AP5M1: variants seen among roughly 807,000 people sequenced by gnomAD.
The protein encoded by AP5M1 is AP-5 complex subunit mu-1.
AP5M1 carries 44 observed loss-of-function variants against 52.3 expected under a neutral mutation model. The observed-to-expected ratio is 0.84, with a 90% CI of 0.66 to 1.08. The LOEUF is 1.08. Ranked by LOEUF, AP5M1 falls within the 50% of genes least tolerant of loss-of-function variation. The pLI is 0.00. For missense variants in AP5M1, 526 were observed against 568.4 expected (o/e 0.93, Z 0.76); for synonymous variants, 213 against 199.0 (o/e 1.07, Z -0.59).
chr14:57,275,206 A>C, intron 2 of AP5M1: 1 of 359,020 alleles, frequency 2.8e-6, no homozygotes, highest in Non-Finnish European at 5.2e-6. Context: ...TTTTCAGTTG[A>C]GGCTATAGTC....
intron 7 of AP5M1, among the ~76,000 whole-genome samples, chr14:57,287,242 G>T (rs1338857136): frequency 1.3e-5 from 2 of 151,980 alleles, no homozygotes; most frequent in African/African-American, 4.8e-5. Flanking sequence ...TATTATTATA[G>T]TTAGATAAAT....
chr14:57,277,193 T>C (rs1885059983), intron 2 of AP5M1, among the ~76,000 whole-genome samples: 2 of 152,208 alleles, frequency 1.3e-5, no homozygotes, highest in African/African-American at 4.8e-5. Context: ...GCCAGATTGG[T>C]TTAAAGGTAG....
intron 3 of AP5M1, 46 bp from the exon 4 acceptor site, chr14:57,282,043 G>T (rs1482407394): frequency 6.8e-7 from 1 of 1,479,062 alleles, no homozygotes. Flanking sequence ...TGTTGTTTTA[G>T]ACTCATTAAC....
intron 1 of AP5M1, among the ~76,000 whole-genome samples, chr14:57,273,209 G>A (rs1391706752): frequency 1.3e-5 from 2 of 152,086 alleles, no homozygotes; most frequent in Non-Finnish European, 2.9e-5. Context: ...TGAAGTGCTG[G>A]ATTAGCCATT....
At position 57,292,850 on chromosome 14, in the gene AP5M1, T is replaced by C. The variant is rs764971449; in HGVS notation, c.*3966T>C. 1.3e-5 allele frequency: 2 copies of C among 151,804 alleles called. No homozygotes were observed. The highest frequency in any genetic ancestry group is 2.9e-5 in the Non-Finnish European group (2 of 67,804). The allele number at this position is 151,804 out of a possible 1,614,324, so 9.4% of individuals were successfully genotyped here. On this transcript the variant is annotated 3_prime_UTR_variant, in exon 8 of 8. Transcript: ENST00000261558. ...AGGAAAATGTGTTGCAGTACACAGT[T>C]ATCCACCTTAAGACTAATGATTTCG...
rs1885439780 is a variant in AP5M1, at chr14:57,291,745, A to G, written c.*2861A>G. On this transcript the variant is annotated 3_prime_UTR_variant, in exon 8 of 8. Transcript: ENST00000261558. Reference sequence around the variant, plus strand: ...ACATTGTATGATTTAAGATCTTTCAAGGCAGACATTTATACTTGGTAACAA... The same window carrying G: ...ACATTGTATGATTTAAGATCTTTCAGGGCAGACATTTATACTTGGTAACAA... The G allele has an allele frequency of 6.6e-6, 1 of 151,888 alleles. No individual in the cohort carries two copies. The highest frequency in any genetic ancestry group is 2.1e-4 in the South Asian group (1 of 4,832). 9.4% of individuals were successfully genotyped at this position (151,888 alleles called of 1,614,324 possible). A position where few individuals can be genotyped will look rare whatever the true frequency, so the allele number is the denominator to read the frequency against.
At chr14:57,284,711 CT>C (rs1363303945) in intron 6 of AP5M1, among the ~76,000 whole-genome samples, 1 of 152,046 alleles carries the variant, frequency 6.6e-6, no homozygotes, top group Non-Finnish European at 1.5e-5. Context: ...TTAAACCAAA[CT>C]TGACGCTTTT....
intron 1 of AP5M1, among the ~76,000 whole-genome samples, chr14:57,273,906 A>G (rs1167081667): frequency 7.9e-5 from 12 of 152,216 alleles, no homozygotes; most frequent in Non-Finnish European, 1.8e-4. Context: ...AAAACGGTTC[A>G]AGTATATACT....
intron 6 of AP5M1, among the ~76,000 whole-genome samples, chr14:57,285,765 T>C (rs1267098882): frequency 2.4e-4 from 37 of 152,162 alleles, no homozygotes; most frequent in Admixed American, 2.4e-3. Flanking sequence ...GAATATATCA[T>C]AGCCACATAG....
At chr14:57,281,428 C>T (rs910696316) in intron 3 of AP5M1, among the ~76,000 whole-genome samples, 1 of 152,168 alleles carries the variant, frequency 6.6e-6, no homozygotes, top group African/African-American at 2.4e-5. Context: ...AATCTCATTG[C>T]CATTTAAGGA....
chr14:57,274,561 G>C lies in AP5M1; in HGVS notation c.392G>C (p.Gly131Ala). The change falls in exon 2 of 8, where the codon GGC (glycine) becomes GCC (alanine). Residue 131 changes from glycine (G) to alanine (A), a missense_variant. Gly to Ala is a moderately conservative substitution (Grantham distance 60). This residue lies in a region of AP5M1 where 425 missense variants were observed against 430.6 expected (regional missense o/e 0.99). Transcript: ENST00000261558. ...PLISVSGVSQ[G>A]FEFLFGIQDF... ...ATTAGTGTCAGTGGAGTTTCACAAG[G>C]CTTTGAATTTCTTTTTGGGATACAG... is the stretch of plus-strand genomic sequence containing the variant. 6.2e-7 allele frequency: 1 copy of C among 1,614,130 alleles called. No individual in the cohort carries two copies. Among genetic ancestry groups the C allele is most frequent in the Non-Finnish European group, 8.5e-7 (1 of 1,180,026 alleles).
intron 6 of AP5M1, among the ~76,000 whole-genome samples, chr14:57,285,425 T>C (rs938507948): frequency 2.0e-5 from 3 of 152,234 alleles, no homozygotes; most frequent in African/African-American, 7.2e-5. Context: ...AAGTGTGTTT[T>C]ACAGTATTTC....
Position 57,298,635 on chromosome 14 carries a change from G to C in AP5M1, c.*9751G>C, listed in dbSNP as rs938229369. ...TGCCTTCAGATTATCAAAATTATAT[G>C]AATTGTCCATGTGCCCTTGGTTTTG... On this transcript the variant is annotated 3_prime_UTR_variant, in exon 8 of 8. Transcript: ENST00000261558. The C allele has an allele frequency of 1.3e-5, 2 of 152,096 alleles. No individual in the cohort carries two copies. Among genetic ancestry groups the C allele is most frequent in the Admixed American group, 1.3e-4 (2 of 15,274 alleles). The allele number at this position is 152,096 out of a possible 1,614,324, so 9.4% of individuals were successfully genotyped here.
At chr14:57,282,016 C>T in intron 3 of AP5M1, 73 bp from the exon 4 acceptor site, 2 of 1,301,486 alleles carry the variant, frequency 1.5e-6, no homozygotes, top group Non-Finnish European at 2.1e-6. Context: ...AAAAGTAACT[C>T]TTTTCTCAGT....
intron 1 of AP5M1, chr14:57,273,741 T>G (rs1884948617): frequency 1.4e-6 from 1 of 701,970 alleles, no homozygotes; most frequent in Admixed American, 2.0e-5. Context: ...TACCTGTCAT[T>G]CACTATAAGT....
chr14:57,290,158 G>A lies in AP5M1; in HGVS notation c.*1274G>A, dbSNP rs1235609853. 6.6e-6 allele frequency: 1 copy of A among 151,954 alleles called. No homozygotes were observed. Among genetic ancestry groups the A allele is most frequent in the African/African-American group, 2.4e-5 (1 of 41,416 alleles). The allele number at this position is 151,954 out of a possible 1,614,324, so 9.4% of individuals were successfully genotyped here. Reference sequence around the variant, plus strand: ...TAACTCCTCAGAAGAAAGCATGATAGTTTAAAGGTATAGGGCATATAAATT... The same window carrying A: ...TAACTCCTCAGAAGAAAGCATGATAATTTAAAGGTATAGGGCATATAAATT... On this transcript the variant is annotated 3_prime_UTR_variant, in exon 8 of 8. Coordinates refer to ENST00000261558, the MANE Select transcript of AP5M1 (RefSeq NM_018229.4).
chr14:57,271,139 A>G (rs1353266748), intron 1 of AP5M1: 2 of 152,182 alleles, frequency 1.3e-5, no homozygotes, highest in Admixed American at 1.3e-4. Context: ...AATCTAGGCC[A>G]TTGTTTCTTC....
At chr14:57,285,651 C>A (rs548208376) in intron 6 of AP5M1, among the ~76,000 whole-genome samples, 1 of 152,206 alleles carries the variant, frequency 6.6e-6, no homozygotes, top group African/African-American at 2.4e-5. Context: ...TAGCGCAGCT[C>A]ATTCCCTCTA....
In AP5M1 at chr14:57,274,858, C is replaced by T; in HGVS notation, c.689C>T (p.Thr230Ile). 1 of 1,614,122 alleles carries T rather than the reference C, an allele frequency of 6.2e-7. No homozygotes were observed. Among genetic ancestry groups the T allele is most frequent in the Non-Finnish European group, 8.5e-7 (1 of 1,180,004 alleles). The change falls in exon 2 of 8, where the codon ACA (threonine) becomes ATA (isoleucine). Residue 230 changes from threonine to isoleucine, a missense_variant. By Grantham distance (89) the Thr-to-Ile change is moderately conservative. Around this residue, in one of 3 missense-constraint regions of AP5M1, gnomAD observed 425 missense variants for 430.6 expected, o/e 0.99. Coordinates refer to ENST00000261558, the MANE Select transcript of AP5M1 (RefSeq NM_018229.4). ...MQYDKQGIAD[T>I]WQVVGTVTCK... Reference sequence around the variant, plus strand: ...TATGATAAACAGGGTATAGCAGATACATGGCAAGTTGTTGGAACAGTGACT... The same window carrying T: ...TATGATAAACAGGGTATAGCAGATATATGGCAAGTTGTTGGAACAGTGACT...
Sources: gnomAD v4.1 joint callset for allele counts (sites outside exome capture counted in the v4.1 genomes callset) on GRCh38, gnomAD v4.1.1 for gene constraint, gnomAD v4.1.1 regional missense constraint, MANE v1.5 for transcripts, NCBI Gene and HGNC (gene_info 2026-07-23, HGNC 2026-07-21) for gene names.